Variants in TENM4 observed in about 807,000 individuals in gnomAD.
TENM4 encodes the protein teneurin-4.
TENM4 carries 82 observed loss-of-function variants against 243.3 expected under a neutral mutation model. The observed-to-expected ratio is 0.34, with a 90% CI of 0.28 to 0.40. The LOEUF is 0.40. TENM4 is among the 10% of genes least tolerant of loss of function. The pLI is 1.00. For missense variants in TENM4, 3,138 were observed against 3,673.3 expected (o/e 0.85, Z 3.77); for synonymous variants, 1,412 against 1,456.3 (o/e 0.97, Z 0.69).
intron 4 of TENM4, among the ~76,000 whole-genome samples, chr11:79,139,183 A>C (rs867414536): frequency 1.1e-4 from 7 of 63,392 alleles, no homozygotes; most frequent in South Asian, 7.5e-4. Flanking sequence ...AAATATATAA[A>C]ATATATATTA....
intron 4 of TENM4, among the ~76,000 whole-genome samples, chr11:79,073,002 T>A (rs1245841793): frequency 6.6e-6 from 1 of 152,186 alleles, no homozygotes; most frequent in Admixed American, 6.5e-5. Context: ...CCCTGTGATA[T>A]AGGTATTATG....
intron 30 of TENM4, among the ~76,000 whole-genome samples, chr11:78,673,473 C>G (rs149922177): frequency 1.3e-5 from 2 of 152,014 alleles, no homozygotes; most frequent in Admixed American, 6.6e-5. Flanking sequence ...ATGTGTGGAC[C>G]GAGGCAATGA....
intron 6 of TENM4, among the ~76,000 whole-genome samples, chr11:79,009,967 G>A (rs1173613914): frequency 6.6e-6 from 1 of 152,088 alleles, no homozygotes; most frequent in African/African-American, 2.4e-5. Flanking sequence ...TAAGTCTCAT[G>A]AGATCTGACA....
intron 6 of TENM4, among the ~76,000 whole-genome samples, chr11:79,002,867 G>T (rs1341175448): frequency 6.6e-6 from 1 of 152,146 alleles, no homozygotes; most frequent in Non-Finnish European, 1.5e-5. Flanking sequence ...TCAGGATTCA[G>T]AAGAAACCTA....
At chr11:78,801,077 C>T (rs1857271631) in intron 15 of TENM4, among the ~76,000 whole-genome samples, 2 of 151,994 alleles carry the variant, frequency 1.3e-5, no homozygotes, top group Admixed American at 1.3e-4. Flanking sequence ...TGTGGCTTGT[C>T]AGAAAGAGAG....
rs1162658266 is a variant in TENM4 at position 79,164,338 on chromosome 11, A to G, written c.-162-15532T>C. Among the ~76,000 whole-genome samples, 70 of 123,942 alleles carry G rather than the reference A, an allele frequency of 5.6e-4. 1 individual carries two copies. Among genetic ancestry groups the G allele is most frequent in the Admixed American group, 2.6e-3 (31 of 11,828 alleles). The allele number at this position is 123,942 out of a possible 152,430, so 81.3% of individuals were successfully genotyped here. A position where few individuals can be genotyped will look rare whatever the true frequency, so the allele number is the denominator to read the frequency against. On this transcript the variant is annotated intron_variant, in intron 3 of 33. Transcript: ENST00000278550. ...ATATACTAGTATATATAGTATATAG[A>G]TATACTATATAGATACTATATATAC...
chr11:79,164,150 C>CAG (rs1555020170), intron 3 of TENM4, among the ~76,000 whole-genome samples: 1 of 115,830 alleles, frequency 8.6e-6, no homozygotes, highest in Non-Finnish European at 1.7e-5. Context: ...TGTATATATA[C>CAG]AGTATATATA....
At chr11:79,415,367 A>T (rs781309248) in intron 1 of TENM4, among the ~76,000 whole-genome samples, 1 of 152,220 alleles carries the variant, frequency 6.6e-6, no homozygotes, top group Non-Finnish European at 1.5e-5. Context: ...ATTCGTTTAC[A>T]GGTGGTTTAG....
chr11:79,072,317 TACAG>T (rs199961792), intron 4 of TENM4, among the ~76,000 whole-genome samples: 2 of 152,058 alleles, frequency 1.3e-5, no homozygotes, highest in South Asian at 2.1e-4. Flanking sequence ...GCCCTGTTTC[TACAG>T]ACAAACAAAC....
At chr11:78,931,083 C>G (rs1421371996) in intron 6 of TENM4, among the ~76,000 whole-genome samples, 1 of 152,146 alleles carries the variant, frequency 6.6e-6, no homozygotes, top group East Asian at 1.9e-4. Context: ...CAACTCTTCC[C>G]CGGCCTGTTA....
chr11:79,183,090 G>GA (rs1268779565), intron 3 of TENM4, among the ~76,000 whole-genome samples: 1 of 152,030 alleles, frequency 6.6e-6, no homozygotes, highest in African/African-American at 2.4e-5. Context: ...CTTATGTCCA[G>GA]AAAAAAACCA....
chr11:78,864,930 G>A lies in TENM4; in HGVS notation c.1085-1798C>T, dbSNP rs1460843565. ...CAAGACCAGAAGGCCTAGAGGAGGG[G>A]GTGCCTGACCCGCTAGGGGGGCTAG... On this transcript the variant is annotated intron_variant, in intron 9 of 33. Coordinates refer to ENST00000278550, the MANE Select transcript of TENM4 (RefSeq NM_001098816.3). Among the ~76,000 whole-genome samples the A allele has an allele frequency of 3.9e-5, 6 of 152,190 alleles. No individual in the cohort carries two copies. The South Asian group carries it at 1.0e-3, about 26-fold the overall frequency.
intron 2 of TENM4, among the ~76,000 whole-genome samples, chr11:79,252,473 G>C (rs1269412847): frequency 6.6e-6 from 1 of 152,120 alleles, no homozygotes; most frequent in Non-Finnish European, 1.5e-5. Flanking sequence ...TCCTGACCTC[G>C]TGATCCGCCC....
intron 15 of TENM4, among the ~76,000 whole-genome samples, chr11:78,795,889 C>T (rs1172284130): frequency 2.0e-5 from 3 of 152,126 alleles, no homozygotes; most frequent in African/African-American, 7.2e-5. Flanking sequence ...CTCTGACTTC[C>T]TTACAGTAAT....
chr11:79,357,246 G>A (rs970126001), intron 1 of TENM4, among the ~76,000 whole-genome samples: 2 of 152,174 alleles, frequency 1.3e-5, no homozygotes, highest in Admixed American at 6.5e-5. Context: ...CCAAAGCAAT[G>A]GCATGATCTC....
intron 30 of TENM4, among the ~76,000 whole-genome samples, chr11:78,673,370 CTG>C (rs1242109353): frequency 6.6e-6 from 1 of 152,202 alleles, no homozygotes; most frequent in Non-Finnish European, 1.5e-5. Flanking sequence ...GGCACATTTT[CTG>C]TCTCTTCCAC....
In TENM4 at chr11:78,708,426, G is replaced by A; in HGVS notation, c.4144C>T (p.Leu1382Phe). 1 of 1,614,036 alleles carries A rather than the reference G, an allele frequency of 6.2e-7. No homozygotes were observed. Among genetic ancestry groups the A allele is most frequent in the Non-Finnish European group, 8.5e-7 (1 of 1,179,904 alleles). Reference protein sequence around the residue: ...IDQNGIISTLLGSNDLTSARP... With the variant: ...IDQNGIISTLFGSNDLTSARP... ...GCTGATGTGAGATCATTAGAGCCGA[G>A]CAGGGTGGAGATGATCCCATTCTGA... Residue 1382 changes from leucine to phenylalanine, a missense_variant, in exon 27 of 34, where the codon CTC (leucine) becomes TTC (phenylalanine). Leu to Phe is a conservative substitution (Grantham distance 22). Coordinates refer to ENST00000278550, the MANE Select transcript of TENM4 (RefSeq NM_001098816.3).
chr11:79,256,690 G>C (rs567092714), intron 2 of TENM4, among the ~76,000 whole-genome samples: 43 of 152,290 alleles, frequency 2.8e-4, no homozygotes, highest in South Asian at 2.5e-3. Flanking sequence ...GTTTATCAAT[G>C]ACTTTGTCTC....
intron 15 of TENM4, among the ~76,000 whole-genome samples, chr11:78,790,595 G>C (rs949512751): frequency 1.3e-5 from 2 of 152,198 alleles, no homozygotes; most frequent in Non-Finnish European, 2.9e-5. Context: ...GGCCCAGATA[G>C]TATGAGAACA....
Sources: allele counts gnomAD v4.1 joint callset (sites outside exome capture counted in the v4.1 genomes callset), GRCh38; gene constraint gnomAD v4.1.1; transcripts MANE v1.5; gene names NCBI Gene and HGNC (gene_info 2026-07-23, HGNC 2026-07-21).